The following KNTC1 variants were observed in gnomAD, a reference collection of about 807,000 sequenced individuals.
KNTC1 encodes kinetochore-associated protein 1.
Under a neutral mutation model 314.4 loss-of-function variants are expected in KNTC1, and 253 were observed. That is an observed-to-expected ratio of 0.80 (90% CI 0.73 to 0.89). KNTC1 has a LOEUF of 0.89. KNTC1 is among the 40% of genes least tolerant of loss of function. The pLI, the probability that KNTC1 is intolerant of heterozygous loss-of-function variation, is 0.00. For missense variants in KNTC1, 2,475 were observed against 2,572.9 expected, an observed-to-expected ratio of 0.96 and a Z score of 0.82; for synonymous variants, 901 against 901.4, an observed-to-expected ratio of 1.00 and a Z score of 0.01.
At chr12:122,562,512 A>T in intron 19 of KNTC1, 126 bp from the exon 20 acceptor site, 1 of 630,176 alleles carries the variant, frequency 1.6e-6, no homozygotes, top group Non-Finnish European at 2.9e-6. Context: ...TCCTATGGGA[A>T]TTGAGTTGTG....
rs1453797281 is a variant in KNTC1, at chr12:122,591,368, G to T, written c.4160G>T (p.Ser1387Ile). The change falls in exon 42 of 64, where the codon AGT (serine) becomes ATT (isoleucine). Residue 1387 changes from serine (S) to isoleucine (I), a missense_variant. Ser to Ile is a moderately radical substitution (Grantham distance 142). Transcript: ENST00000333479. ...TCTCTGGTGGGCTCTGAGCTGGCAA[G>T]TCTCTATCAGGAAATAGAAATGGGG... ...AISLVGSELA[S>I]LYQEIEMGLK... 6.2e-7 allele frequency: 1 copy of T among 1,610,292 alleles called. No homozygotes were observed. The highest frequency in any genetic ancestry group is 8.5e-7 in the Non-Finnish European group (1 of 1,176,788).
At chr12:122,602,911 A>T (rs1178295223) in intron 47 of KNTC1, 24 bp downstream of exon 47, 13 of 1,572,702 alleles carry the variant, frequency 8.3e-6, no homozygotes, top group Non-Finnish European at 1.1e-5. Flanking sequence ...ACATTGTAAG[A>T]CATTTCTGTA....
Position 122,585,774 on chromosome 12 carries a change from G to A in KNTC1, c.3673G>A (p.Glu1225Lys), listed in dbSNP as rs1869187152. The A allele has an allele frequency of 2.5e-6, 4 of 1,613,118 alleles. No individual in the cohort carries two copies. The highest frequency in any genetic ancestry group is 3.4e-6 in the Non-Finnish European group (4 of 1,179,258). ...GATTTCATCTCTTGTGCCTCTAGCT[G>A]GTAAGTCTTATTTGTATCATTATTT... ...ELISSLVPLA[E>K]SKRYPLESTS... is the part of the protein sequence containing the mutation. The change falls in exon 37 of 64, where the codon GAA becomes AAA. Residue 1225 changes from glutamate to lysine, a missense_variant and splice_region_variant. Glu to Lys is a moderately conservative substitution (Grantham distance 56). Transcript: ENST00000333479.
chr12:122,618,276 C>A, intron 57 of KNTC1, 67 bp from the exon 58 acceptor site: 1 of 1,446,826 alleles, frequency 6.9e-7, no homozygotes, highest in Non-Finnish European at 9.6e-7. Context: ...CTGGCCTAGA[C>A]TGCAAATTAA....
intron 21 of KNTC1, among the ~76,000 whole-genome samples, chr12:122,568,718 C>G: frequency 6.6e-6 from 1 of 152,020 alleles, no homozygotes; most frequent in African/African-American, 2.4e-5. Context: ...TTCCTGTAGA[C>G]CCAGCTACTC....
chr12:122,600,389 G>C (rs914175353), intron 44 of KNTC1, among the ~76,000 whole-genome samples: 3 of 151,950 alleles, frequency 2.0e-5, no homozygotes, highest in African/African-American at 7.3e-5. Context: ...ATGAGCCACT[G>C]TACCCAGCCT....
intron 3 of KNTC1, among the ~76,000 whole-genome samples, chr12:122,536,231 A>T (rs1257864984): frequency 1.5e-5 from 2 of 137,790 alleles, no homozygotes; most frequent in Non-Finnish European, 1.6e-5. Flanking sequence ...TTGAGTAGAA[A>T]TTTTTTTTTT....
intron 42 of KNTC1, chr12:122,593,996 ATTC>A (rs1387508605): frequency 5.4e-6 from 2 of 371,760 alleles, no homozygotes; most frequent in East Asian, 9.8e-5. Flanking sequence ...TTGAAGCTTA[ATTC>A]TTCTGCAGTA....
intron 1 of KNTC1, among the ~76,000 whole-genome samples, chr12:122,529,628 ACT>A (rs1386710460): frequency 6.6e-6 from 1 of 152,190 alleles, no homozygotes; most frequent in African/African-American, 2.4e-5. Flanking sequence ...CTAAACCTAC[ACT>A]GTTTGCTGCT....
chr12:122,610,490 C>G (rs1873001401), intron 52 of KNTC1, among the ~76,000 whole-genome samples: 1 of 152,118 alleles, frequency 6.6e-6, no homozygotes, highest in African/African-American at 2.4e-5. Flanking sequence ...CACAGAATTT[C>G]CCATGTGTAG....
rs531871546 is a variant in KNTC1, at chr12:122,613,840, T to C, written c.5877+79T>C. 3.6e-6 allele frequency: 5 copies of C among 1,401,410 alleles called. No homozygotes were observed. The South Asian group carries it at 6.2e-5, about 17-fold the overall frequency. The allele number at this position is 1,401,410 out of a possible 1,614,324, so 86.8% of individuals were successfully genotyped here. ...GAAAGAGAAAACCAGGAACAGTCTT[T>C]TTGTTGTTGTTGTTGTTGGGGACAG... On this transcript the variant is annotated intron_variant, in intron 55 of 63. Coordinates refer to ENST00000333479, the MANE Select transcript of KNTC1 (RefSeq NM_014708.6).
At chr12:122,610,605 C>T (rs981886340) in intron 52 of KNTC1, among the ~76,000 whole-genome samples, 4 of 152,226 alleles carry the variant, frequency 2.6e-5, no homozygotes, top group Admixed American at 1.3e-4. Context: ...TGAAGCCTGG[C>T]GTTTATTGTG....
At position 122,581,088 on chromosome 12, in the gene KNTC1, T is replaced by TTCTC. The variant is rs367845063; in HGVS notation, c.2982+433_2982+436dup. 3.1e-4 allele frequency among the ~76,000 whole-genome samples: 46 copies of TTCTC among 149,662 alleles called. No individual in the cohort carries two copies. The South Asian group carries it at 6.4e-3, about 21-fold the overall frequency. ...TAGGGACTGGAGATACTGGTTTTCC[T>TTCTC]TCTCTCTCTCTCTCTCTCAACAGCT... is the stretch of plus-strand genomic sequence containing the variant. On this transcript the variant is annotated intron_variant, in intron 33 of 63. Coordinates refer to ENST00000333479, the MANE Select transcript of KNTC1 (RefSeq NM_014708.6).
Position 122,594,344 on chromosome 12 carries a change from G to A in KNTC1, c.4314G>A (p.Glu1438=). Residue 1438 remains glutamate, a synonymous_variant, in exon 43 of 64, where the codon GAG becomes GAA. Transcript: ENST00000333479. The part of the protein sequence containing the change: ...TKKDLIKALV[E]NIDMDTSLIL... Reference sequence around the variant, plus strand: ...AAGACCTCATTAAAGCTCTTGTGGAGAATATAGATATGGACACAAGCCTCA... The same window carrying A: ...AAGACCTCATTAAAGCTCTTGTGGAAAATATAGATATGGACACAAGCCTCA... 6.2e-7 allele frequency: 1 copy of A among 1,608,766 alleles called. No homozygotes were observed. Among genetic ancestry groups the A allele is most frequent in the Non-Finnish European group, 8.5e-7 (1 of 1,175,466 alleles).
intron 8 of KNTC1, among the ~76,000 whole-genome samples, chr12:122,544,819 C>G (rs1225184468): frequency 1.3e-5 from 2 of 152,200 alleles, no homozygotes; most frequent in Non-Finnish European, 2.9e-5. Context: ...GCCCATCCAG[C>G]TTCACAAATC....
rs1872426258 is a variant in KNTC1, at chr12:122,605,026, T to C, written c.5325T>C (p.Ser1775=). 6.2e-7 allele frequency: 1 copy of C among 1,613,264 alleles called. No individual in the cohort carries two copies. Among genetic ancestry groups the C allele is most frequent in the African/African-American group, 1.3e-5 (1 of 74,922 alleles). The change falls in exon 50 of 64, where the codon AGT becomes AGC. Residue 1775 remains serine (S), a synonymous_variant. Transcript: ENST00000333479. The stretch of plus-strand genomic sequence containing the variant: ...GAAAGCCAGCACATCTTATTGTCAG[T>C]CTCTACGAACATCCTAGCATCAATC... ...VIGKPAHLIV[S]LYEHPSINQR...
intron 40 of KNTC1, among the ~76,000 whole-genome samples, chr12:122,590,315 T>C (rs1274360730): frequency 6.6e-6 from 1 of 152,160 alleles, no homozygotes; most frequent in Non-Finnish European, 1.5e-5. Flanking sequence ...ATAGAACTTG[T>C]AGTTGCTTTC....
rs140667841 is a variant in KNTC1 at position 122,600,053 on chromosome 12, TAGAA to T, written c.4564-1474_4564-1471del. 0.012 allele frequency among the ~76,000 whole-genome samples: 1,853 copies of T among 152,122 alleles called. 109 individuals carry two copies. The East Asian group carries it at 0.19, about 16-fold the overall frequency. Reference sequence around the variant, plus strand: ...AAGGAAAAAAGTAATGGTGTGTGGGTAGAAAGAAAGAACAAAGAGAAGACTTCCT... The same window carrying T: ...AAGGAAAAAAGTAATGGTGTGTGGGTAGAAAGAACAAAGAGAAGACTTCCT... On this transcript the variant is annotated intron_variant, in intron 44 of 63. Transcript: ENST00000333479.
chr12:122,539,910 G>C (rs1284518223), intron 5 of KNTC1, among the ~76,000 whole-genome samples, 156 bp downstream of exon 5: 2 of 151,546 alleles, frequency 1.3e-5, no homozygotes, highest in Non-Finnish European at 2.9e-5. Flanking sequence ...CTCCTGAGTA[G>C]CTGGGATTAC....
Sources: allele counts gnomAD v4.1 joint callset (sites outside exome capture counted in the v4.1 genomes callset), GRCh38; gene constraint gnomAD v4.1.1; transcripts MANE v1.5; gene names NCBI Gene and HGNC (gene_info 2026-07-23, HGNC 2026-07-21).